The following HEATR4 variants were observed in gnomAD, a reference collection of about 807,000 sequenced individuals.
The protein encoded by HEATR4 is HEAT repeat containing 4.
A neutral mutation model predicts 108.8 loss-of-function variants in HEATR4; 95 were observed. The observed-to-expected ratio is 0.87, with a 90% CI of 0.74 to 1.04. HEATR4 has a LOEUF of 1.04. HEATR4 is among the 50% of genes least tolerant of loss of function. The pLI, the probability that HEATR4 is intolerant of heterozygous loss-of-function variation, is 0.00. For missense variants in HEATR4, 1,152 were observed against 1,253.8 expected (o/e 0.92, Z 1.23); for synonymous variants, 443 against 459.4 (o/e 0.96, Z 0.46).
intron 17 of HEATR4, among the ~76,000 whole-genome samples, chr14:73,479,261 G>A (rs1885145723): frequency 6.8e-6 from 1 of 147,058 alleles, no homozygotes; most frequent in Admixed American, 6.8e-5. Flanking sequence ...GACTACAGGC[G>A]CCCACCACCA....
chr14:73,490,685 C>G (rs1355677141), intron 17 of HEATR4, among the ~76,000 whole-genome samples: 1 of 152,104 alleles, frequency 6.6e-6, no homozygotes, highest in African/African-American at 2.4e-5. Flanking sequence ...GAACTCCTGA[C>G]CTCAGGTGAT....
chr14:73,531,585 T>C lies in HEATR4; in HGVS notation c.-151-1341A>G, dbSNP rs1421961922. On this transcript the variant is annotated intron_variant, in intron 1 of 17. Coordinates refer to ENST00000553558, the MANE Select transcript of HEATR4 (RefSeq NM_001220484.1). The stretch of plus-strand genomic sequence containing the variant: ...CACCACGCCCCACTAATTGTTGTAC[T>C]TTTAGTAGAGATGGGGTTTCACCAT... Among the ~76,000 whole-genome samples the C allele has an allele frequency of 1.8e-5, 2 of 109,684 alleles. 1 individual carries two copies. Among genetic ancestry groups the C allele is most frequent in the African/African-American group, 5.9e-5 (2 of 33,970 alleles). 72.0% of individuals were successfully genotyped at this position (109,684 alleles called of 152,430 possible).
the HEATR4 span, among the ~76,000 whole-genome samples, chr14:73,566,027 G>A: frequency 0.031 from 4,661 of 151,922 alleles, 133 homozygotes; most frequent in Middle Eastern, 0.11. Context: ...AGTTCTCCAC[G>A]TCCCCACCAG....
At chr14:73,627,204 T>A in the HEATR4 span, among the ~76,000 whole-genome samples, 1 of 151,810 alleles carries the variant, frequency 6.6e-6, no homozygotes, top group African/African-American at 2.4e-5. Flanking sequence ...CTATCCCTGG[T>A]GCAATTCTCT....
In HEATR4 at chr14:73,551,856, G is replaced by A. The variant is rs1249598432; in HGVS notation, c.-152+6895C>T. Among the ~76,000 whole-genome samples the A allele has an allele frequency of 3.7e-5, 4 of 109,100 alleles. 2 individuals are homozygous for A. Among genetic ancestry groups the A allele is most frequent in the East Asian group, 1.5e-3 (2 of 1,330 alleles). 71.6% of individuals were successfully genotyped at this position (109,100 alleles called of 152,430 possible). A position where few individuals can be genotyped will look rare whatever the true frequency, so the allele number is the denominator to read the frequency against. ...AAAATGGCTATGTATGACCTCTCCA[G>A]GACACTCCACTGGAAAAGGGAAGAA... On this transcript the variant is annotated intron_variant, in intron 1 of 17. Coordinates refer to ENST00000553558, the MANE Select transcript of HEATR4 (RefSeq NM_001220484.1).
intron 2 of HEATR4, among the ~76,000 whole-genome samples, chr14:73,525,053 G>T (rs966909483): frequency 1.3e-5 from 2 of 152,000 alleles, no homozygotes; most frequent in Non-Finnish European, 2.9e-5. Context: ...TTGAGACAGG[G>T]TCTTGTTCTG....
chr14:73,628,925 G>T, the HEATR4 span, among the ~76,000 whole-genome samples: 4 of 145,180 alleles, frequency 2.8e-5, no homozygotes, highest in Non-Finnish European at 6.1e-5. Context: ...CATAGTGGTG[G>T]GCGCCTGTAA....
At chr14:73,625,998 C>T in the HEATR4 span, among the ~76,000 whole-genome samples, 1 of 152,320 alleles carries the variant, frequency 6.6e-6, no homozygotes, top group East Asian at 1.9e-4. Flanking sequence ...CAGGCCTCTT[C>T]CCCTAAGCAG....
At chr14:73,594,997 AC>A in the HEATR4 span, 2 of 1,595,464 alleles carry the variant, frequency 1.3e-6, no homozygotes, top group Non-Finnish European at 1.7e-6. Context: ...GAGCCACCGC[AC>A]CCAATCTGGA....
the HEATR4 span, among the ~76,000 whole-genome samples, chr14:73,598,893 A>G: frequency 1.3e-5 from 2 of 151,922 alleles, no homozygotes; most frequent in African/African-American, 4.8e-5. Context: ...AATCTCAGCT[A>G]CTCAGGAGGC....
chr14:73,603,510 A>G, the HEATR4 span, among the ~76,000 whole-genome samples: 1 of 152,022 alleles, frequency 6.6e-6, no homozygotes, highest in African/African-American at 2.4e-5. Context: ...GCATGCTACC[A>G]TGCCCTGCTA....
At chr14:73,570,110 C>CTT in the HEATR4 span, among the ~76,000 whole-genome samples, 130 of 140,612 alleles carry the variant, frequency 9.2e-4, 1 homozygote, top group South Asian at 3.5e-3. Flanking sequence ...GGGAGTTACA[C>CTT]TTTTTTTTTT....
chr14:73,525,326 C>T (rs549910643), intron 2 of HEATR4, among the ~76,000 whole-genome samples: 1 of 152,278 alleles, frequency 6.6e-6, no homozygotes, highest in South Asian at 2.1e-4. Context: ...AGCTACAGCA[C>T]TCAGCAAAGG....
At chr14:73,501,527 T>C (rs953938560) in intron 11 of HEATR4, among the ~76,000 whole-genome samples, 1 of 151,102 alleles carries the variant, frequency 6.6e-6, no homozygotes, top group East Asian at 2.0e-4. Flanking sequence ...GCTGGGATTA[T>C]AGGCACTTAC....
rs1387869964 is a variant in HEATR4 at position 73,493,433 on chromosome 14, G to T, written c.2786-309C>A. The T allele has an allele frequency of 1.4e-5, 4 of 291,756 alleles. No individual in the cohort carries two copies. The East Asian group carries it at 2.4e-4, about 17-fold the overall frequency. The allele number at this position is 291,756 out of a possible 1,614,324, so 18.1% of individuals were successfully genotyped here. The stretch of plus-strand genomic sequence containing the variant: ...GCTAGATTATTATGTGGGATGGTTC[G>T]AAGAAATGCAGGAGCGGGAGGAAGA... On this transcript the variant is annotated intron_variant, in intron 16 of 17. Coordinates refer to ENST00000553558, the MANE Select transcript of HEATR4 (RefSeq NM_001220484.1).
chr14:73,600,881 G>A, the HEATR4 span, among the ~76,000 whole-genome samples: 5 of 152,146 alleles, frequency 3.3e-5, no homozygotes, highest in Non-Finnish European at 5.9e-5. Flanking sequence ...GCTCACGCCT[G>A]TAGTCCCAGC....
chr14:73,518,850 G>A (rs1034735547), intron 5 of HEATR4, among the ~76,000 whole-genome samples, 173 bp downstream of exon 5: 1 of 152,156 alleles, frequency 6.6e-6, no homozygotes, highest in Non-Finnish European at 1.5e-5. Context: ...GTTATAGTTA[G>A]TATTTTATAA....
intron 15 of HEATR4, 80 bp downstream of exon 15, chr14:73,496,521 C>T: frequency 1.2e-6 from 1 of 832,016 alleles, no homozygotes; most frequent in Non-Finnish European, 2.1e-6. Context: ...AGGGTATGTA[C>T]ATGTTTGAGG....
rs144845402 is a variant in HEATR4, at chr14:73,520,985, C to T, written c.936G>A (p.Lys312=). Residue 312 remains lysine (K), a synonymous_variant, in exon 4 of 18, where the codon AAG becomes AAA. Transcript: ENST00000553558. The part of the protein sequence containing the change: ...AETVEIMPGN[K]STEDIHEKTS... ...TCTTTTCATGGATATCCTCAGTGCT[C>T]TTGTTGCCAGGCATGATCTCAACTG... 1.0e-4 allele frequency: 168 copies of T among 1,613,718 alleles called. No homozygotes were observed. In the African/African-American group the frequency reaches 2.0e-3, roughly 20 times the overall value.
Sources: gnomAD v4.1 joint callset for allele counts (sites outside exome capture counted in the v4.1 genomes callset) on GRCh38, gnomAD v4.1.1 for gene constraint, MANE v1.5 for transcripts, NCBI Gene and HGNC (gene_info 2026-07-23, HGNC 2026-07-21) for gene names.